The following PCDHGB5 variants were observed in gnomAD, a reference collection of about 807,000 sequenced individuals.
PCDHGB5 encodes the protein protocadherin gamma subfamily B, 5, also known as protocadherin gamma-B5.
A neutral mutation model predicts 62.9 loss-of-function variants in PCDHGB5; 48 were observed. The observed-to-expected ratio is 0.76, with a 90% CI of 0.61 to 0.97. The LOEUF (loss-of-function observed/expected upper bound fraction) is 0.97. PCDHGB5 is among the 50% of genes least tolerant of loss of function. PCDHGB5 has a pLI of 0.00. For synonymous variants in PCDHGB5, 474 were observed against 511.2 expected (o/e 0.93, Z 0.98); for missense variants, 1,118 against 1,198.6 (o/e 0.93, Z 0.99).
intron 1 of PCDHGB5, among the ~76,000 whole-genome samples, chr5:141,474,165 A>G (rs1444314307): frequency 6.6e-6 from 1 of 152,234 alleles, no homozygotes; most frequent in Non-Finnish European, 1.5e-5. Context: ...GACAGGCCTT[A>G]TTATTGAGAA....
intron 1 of PCDHGB5, chr5:141,413,459 A>C: frequency 1.9e-6 from 3 of 1,614,080 alleles, no homozygotes; most frequent in Non-Finnish European, 2.5e-6. Flanking sequence ...GGCAGGATAG[A>C]CCGGGAGGAG....
At chr5:141,414,567 T>C in intron 1 of PCDHGB5, 1 of 1,613,962 alleles carries the variant, frequency 6.2e-7, no homozygotes, top group Non-Finnish European at 8.5e-7. Context: ...ACTTTACCTA[T>C]ATCCCAGAGA....
chr5:141,499,763 T>C (rs2099794343), intron 2 of PCDHGB5, among the ~76,000 whole-genome samples: 1 of 148,434 alleles, frequency 6.7e-6, no homozygotes, highest in African/African-American at 2.5e-5. Flanking sequence ...CTCAGCTCAC[T>C]GCAGCCTTCG....
At chr5:141,427,958 G>A (rs1266312663) in intron 1 of PCDHGB5, 3 of 1,588,290 alleles carry the variant, frequency 1.9e-6, no homozygotes, top group Admixed American at 1.7e-5. Context: ...ACAATGTGCC[G>A]CGGGTGCTGT....
At chr5:141,434,561 G>A (rs2097702856) in intron 1 of PCDHGB5, among the ~76,000 whole-genome samples, 1 of 152,188 alleles carries the variant, frequency 6.6e-6, no homozygotes, top group Non-Finnish European at 1.5e-5. Flanking sequence ...GTGCCTTAAG[G>A]ACATGCCCCT....
intron 1 of PCDHGB5, among the ~76,000 whole-genome samples, chr5:141,406,069 C>G (rs72790037): frequency 0.11 from 16,670 of 145,514 alleles, 1,088 homozygotes; most frequent in African/African-American, 0.2. Flanking sequence ...AAAATTCTTA[C>G]TCCTTTTTTT....
chr5:141,487,031 G>A lies in PCDHGB5; in HGVS notation c.2398-7776G>A, dbSNP rs749130369. 1.2e-6 allele frequency: 2 copies of A among 1,614,182 alleles called. No homozygotes were observed. Among genetic ancestry groups the A allele is most frequent in the Non-Finnish European group, 1.7e-6 (2 of 1,180,028 alleles). On this transcript the variant is annotated intron_variant, in intron 1 of 3. Coordinates refer to ENST00000617380, the MANE Select transcript of PCDHGB5 (RefSeq NM_018925.3). The surrounding 1 kb of genome is among the most constrained non-coding windows in gnomAD (Gnocchi z 5.0). ...GGAGGCCCCAGATCCCAGCCTGTTT[G>A]CAGTCTCTCGATATGCTGGGGAGGT...
chr5:141,503,268 C>A (rs1038268807), intron 2 of PCDHGB5, among the ~76,000 whole-genome samples: 6 of 152,068 alleles, frequency 3.9e-5, no homozygotes, highest in African/African-American at 7.2e-5. Context: ...AACCCCAGCA[C>A]CTGGCTCTGT....
intron 1 of PCDHGB5, among the ~76,000 whole-genome samples, chr5:141,433,747 G>A (rs566709728): frequency 1.3e-5 from 2 of 150,990 alleles, no homozygotes; most frequent in East Asian, 4.0e-4. Context: ...TGAGTCAGGA[G>A]AATTGCTTTA....
chr5:141,415,428 G>A, intron 1 of PCDHGB5: 1 of 1,614,206 alleles, frequency 6.2e-7, no homozygotes, highest in Non-Finnish European at 8.5e-7. Flanking sequence ...ACGGGGTTCG[G>A]GCTTTCCTGC....
chr5:141,454,796 A>ATTTTTTTT (rs61612330), intron 1 of PCDHGB5, among the ~76,000 whole-genome samples: 1,488 of 77,444 alleles, frequency 0.019, 251 homozygotes, highest in African/African-American at 0.042. Flanking sequence ...CATGGTTCTA[A>ATTTTTTTT]TTTTTTTTTT....
In PCDHGB5 at chr5:141,491,736, G is replaced by T; in HGVS notation, c.2398-3071G>T. The T allele has an allele frequency of 6.2e-7, 1 of 1,600,560 alleles. No individual in the cohort carries two copies. Among genetic ancestry groups the T allele is most frequent in the Non-Finnish European group, 8.5e-7 (1 of 1,174,270 alleles). ...CGGCGCCGCCCCGGGCGACCCCTGG[G>T]GGCGGCACTGGAGAAGCCGCCCGTC... On this transcript the variant is annotated intron_variant, in intron 1 of 3. Coordinates refer to ENST00000617380, the MANE Select transcript of PCDHGB5 (RefSeq NM_018925.3). This position sits in a 1 kb window ranked among gnomAD's most constrained non-coding sequence, Gnocchi z 6.9.
intron 2 of PCDHGB5, among the ~76,000 whole-genome samples, chr5:141,498,024 A>G (rs1455238086): frequency 6.6e-6 from 1 of 152,200 alleles, no homozygotes; most frequent in East Asian, 1.9e-4. Flanking sequence ...GGAGACAAAT[A>G]TTGACCAAAT....
Position 141,399,546 on chromosome 5 carries a change from G to A in PCDHGB5, c.1419G>A (p.Ser473=). 1 of 1,614,032 alleles carries A rather than the reference G, an allele frequency of 6.2e-7. No individual in the cohort carries two copies. Among genetic ancestry groups the A allele is most frequent in the Non-Finnish European group, 8.5e-7 (1 of 1,179,886 alleles). The change falls in exon 1 of 4, where the codon TCG becomes TCA. Residue 473 remains serine (S), a synonymous_variant. Transcript: ENST00000617380. ...PGASIAQVCA[S]DLDLGLNGQV... ...CCTCCATCGCGCAAGTCTGCGCCTC[G>A]GACCTGGACTTGGGGTTGAACGGCC... is the stretch of plus-strand genomic sequence containing the variant.
chr5:141,490,981 C>T lies in PCDHGB5; in HGVS notation c.2398-3826C>T. 19 of 1,614,096 alleles carry T rather than the reference C, an allele frequency of 1.2e-5. No homozygotes were observed. The highest frequency in any genetic ancestry group is 1.5e-5 in the Non-Finnish European group (18 of 1,180,018). Reference sequence around the variant, plus strand: ...ACACTCAGCCCCCCAGCGTCTCCCTCGCTCTGCTCCTCCTGGCTCCTTGGT... The same window carrying T: ...ACACTCAGCCCCCCAGCGTCTCCCTTGCTCTGCTCCTCCTGGCTCCTTGGT... On this transcript the variant is annotated intron_variant, in intron 1 of 3. Transcript: ENST00000617380. The surrounding 1 kb of genome is among the most constrained non-coding windows in gnomAD (Gnocchi z 5.4).
rs1329103788 is a variant in PCDHGB5, at chr5:141,400,453, C to T, written c.2326C>T (p.Leu776Phe). Residue 776 changes from leucine (L) to phenylalanine (F), a missense_variant, in exon 1 of 4, where the codon CTT (leucine) becomes TTT (phenylalanine). Physicochemically the swap from Leu to Phe is conservative, Grantham distance 22. Around this residue, in one of 2 missense-constraint regions of PCDHGB5, gnomAD observed 1,034 missense variants for 1,029.1 expected, o/e 1.00. Transcript: ENST00000617380. Reference protein sequence around the residue: ...SEQLSSGQDILCGDSSGALFP... With the variant: ...SEQLSSGQDIFCGDSSGALFP... ...GCAATTGAGTTCAGGACAAGACATACTTTGTGGTGATTCATCTGGGGCCTT... is the reference window on the plus strand; with the variant it reads ...GCAATTGAGTTCAGGACAAGACATATTTTGTGGTGATTCATCTGGGGCCTT... 1 of 1,614,056 alleles carries T rather than the reference C, an allele frequency of 6.2e-7. No homozygotes were observed. The highest frequency in any genetic ancestry group is 1.7e-5 in the Admixed American group (1 of 60,030).
rs2097549501 is a variant in PCDHGB5 at position 141,432,920 on chromosome 5, A to T, written c.2397+32396A>T. ...GGCGCTCAGGCTGCGGCGCTGGCAC[A>T]AGTCACGCCTGCTGCAGGCTTCAGG... On this transcript the variant is annotated intron_variant, in intron 1 of 3. Transcript: ENST00000617380. The surrounding 1 kb of genome is among the most constrained non-coding windows in gnomAD (Gnocchi z 6.0). 1 of 1,614,022 alleles carries T rather than the reference A, an allele frequency of 6.2e-7. No homozygotes were observed.
intron 1 of PCDHGB5, chr5:141,478,602 T>C (rs2099466537): frequency 6.4e-7 from 1 of 1,563,560 alleles, no homozygotes; most frequent in Admixed American, 1.9e-5. Context: ...TCCTACATCA[T>C]ATTGAGGAAG....
Position 141,432,608 on chromosome 5 carries a change from T to G in PCDHGB5, c.2397+32084T>G. ...GCTCAAGGCCAGCGAGCCGGGACTC[T>G]TCTCGGTGGGTCTGCACACGGGCGA... On this transcript the variant is annotated intron_variant, in intron 1 of 3. Transcript: ENST00000617380. This position sits in a 1 kb window ranked among gnomAD's most constrained non-coding sequence, Gnocchi z 6.0. The G allele has an allele frequency of 6.2e-7, 1 of 1,613,864 alleles. No individual in the cohort carries two copies. The highest frequency in any genetic ancestry group is 8.5e-7 in the Non-Finnish European group (1 of 1,179,964).
Sources: gnomAD v4.1 joint callset for allele counts (sites outside exome capture counted in the v4.1 genomes callset) on GRCh38, gnomAD v4.1.1 for gene constraint, gnomAD v4.1.1 regional missense constraint, Gnocchi (gnomAD v3.1) non-coding constraint, MANE v1.5 for transcripts, NCBI Gene and HGNC (gene_info 2026-07-23, HGNC 2026-07-21) for gene names.